Variants in FSTL5 observed in about 807,000 individuals in gnomAD.
FSTL5 encodes the protein follistatin-related protein 5.
Under a neutral mutation model 89.1 loss-of-function variants are expected in FSTL5, and 62 were observed. That is an observed-to-expected ratio of 0.70 (90% CI 0.57 to 0.86). The LOEUF (loss-of-function observed/expected upper bound fraction) is 0.86. FSTL5 is among the 40% of genes least tolerant of loss of function. The pLI, the probability that FSTL5 is intolerant of heterozygous loss-of-function variation, is 0.00. For missense variants in FSTL5, 1,057 were observed against 1,001.6 expected (o/e 1.06, Z -0.75); for synonymous variants, 383 against 346.2 (o/e 1.11, Z -1.18).
At chr4:162,052,311 A>T (rs1738403455) in intron 2 of FSTL5, among the ~76,000 whole-genome samples, 1 of 151,692 alleles carries the variant, frequency 6.6e-6, no homozygotes, top group South Asian at 2.1e-4. Context: ...AACAAAAAAA[A>T]AGCCTTAAGT....
intron 9 of FSTL5, among the ~76,000 whole-genome samples, chr4:161,539,740 C>CA (rs1313899677): frequency 2.0e-5 from 3 of 151,866 alleles, no homozygotes; most frequent in Non-Finnish European, 2.9e-5. Context: ...AAAACAAAAA[C>CA]AAAAAAACCC....
chr4:161,582,672 T>C (rs1245164414), intron 8 of FSTL5, among the ~76,000 whole-genome samples: 2 of 150,942 alleles, frequency 1.3e-5, no homozygotes, highest in Non-Finnish European at 2.9e-5. Context: ...CATTATTCTA[T>C]TTTTTGTTTG....
intron 6 of FSTL5, among the ~76,000 whole-genome samples, chr4:161,756,345 G>A (rs1333786872): frequency 6.6e-6 from 1 of 151,906 alleles, no homozygotes; most frequent in East Asian, 1.9e-4. Flanking sequence ...TAGACCCTTT[G>A]TATTATACAT....
chr4:161,406,620 GTC>G (rs1188384230), intron 15 of FSTL5, among the ~76,000 whole-genome samples: 1 of 152,078 alleles, frequency 6.6e-6, no homozygotes. Context: ...GAGTATTGAA[GTC>G]TCTATTCCTG....
chr4:161,997,628 G>A (rs553549550), intron 3 of FSTL5, among the ~76,000 whole-genome samples: 19 of 124,516 alleles, frequency 1.5e-4, no homozygotes, highest in East Asian at 7.0e-4. Flanking sequence ...TTTTTGAGAC[G>A]GAGTCTTGCT....
At chr4:161,931,445 T>C (rs1215285409) in intron 3 of FSTL5, among the ~76,000 whole-genome samples, 1 of 151,772 alleles carries the variant, frequency 6.6e-6, no homozygotes, top group Non-Finnish European at 1.5e-5. Flanking sequence ...GGAAAGGAGT[T>C]AAGAGTGATT....
At chr4:161,390,108 A>T (rs1730771933) in intron 15 of FSTL5, among the ~76,000 whole-genome samples, 1 of 152,156 alleles carries the variant, frequency 6.6e-6, no homozygotes, top group Admixed American at 6.6e-5. Flanking sequence ...TGTTAAAAAT[A>T]AAGACAGTCT....
intron 2 of FSTL5, among the ~76,000 whole-genome samples, chr4:162,099,931 G>A (rs1433302829): frequency 6.6e-6 from 1 of 152,164 alleles, no homozygotes; most frequent in Non-Finnish European, 1.5e-5. Context: ...TGCTGGTGAG[G>A]ATAGTGGAGC....
intron 3 of FSTL5, among the ~76,000 whole-genome samples, chr4:162,011,762 G>T (rs1736775644): frequency 1.3e-5 from 2 of 152,122 alleles, no homozygotes; most frequent in South Asian, 4.1e-4. Flanking sequence ...CTCCCAAAGT[G>T]CTGGGATTAC....
intron 4 of FSTL5, among the ~76,000 whole-genome samples, chr4:161,777,864 CAG>C (rs796643905): frequency 6.6e-6 from 1 of 151,670 alleles, no homozygotes; most frequent in Non-Finnish European, 1.5e-5. Flanking sequence ...AAGGCTGAGG[CAG>C]GGGAATCACC....
At chr4:161,428,400 C>T (rs892292992) in intron 15 of FSTL5, among the ~76,000 whole-genome samples, 4 of 152,176 alleles carry the variant, frequency 2.6e-5, no homozygotes, top group Middle Eastern at 3.2e-3. Context: ...CGACCTAGGG[C>T]GTGGTTGCAC....
At chr4:162,066,207 T>C (rs1012799641) in intron 2 of FSTL5, among the ~76,000 whole-genome samples, 14 of 152,058 alleles carry the variant, frequency 9.2e-5, no homozygotes, top group Non-Finnish European at 2.1e-4. Flanking sequence ...TTTTGTATGC[T>C]TGTTTGTCAT....
intron 4 of FSTL5, among the ~76,000 whole-genome samples, chr4:161,918,816 G>A (rs182920341): frequency 4.0e-5 from 6 of 151,724 alleles, no homozygotes; most frequent in African/African-American, 1.5e-4. Flanking sequence ...GCTAATTTTT[G>A]TATTTTTGTA....
intron 12 of FSTL5, among the ~76,000 whole-genome samples, chr4:161,483,586 G>A (rs1251297653): frequency 6.6e-6 from 1 of 152,028 alleles, no homozygotes; most frequent in Non-Finnish European, 1.5e-5. Context: ...CAGTCATCCT[G>A]GATTTTCTTT....
chr4:161,768,995 A>T (rs114147769), intron 5 of FSTL5, among the ~76,000 whole-genome samples: 3,303 of 151,984 alleles, frequency 0.022, 62 homozygotes, highest in East Asian at 0.043. Context: ...AAAATCAGAG[A>T]TGAAAAACTA....
chr4:161,862,981 A>G (rs1579150910), intron 4 of FSTL5, among the ~76,000 whole-genome samples: 1 of 152,332 alleles, frequency 6.6e-6, no homozygotes, highest in East Asian at 1.9e-4. Context: ...TGATTTGATC[A>G]AATTGGCTAC....
At chr4:161,631,732 T>G (rs954799499) in intron 7 of FSTL5, among the ~76,000 whole-genome samples, 9 of 152,180 alleles carry the variant, frequency 5.9e-5, no homozygotes, top group Admixed American at 4.6e-4. Context: ...GAACCTCTTC[T>G]GACACACAAA....
At chr4:162,082,811 T>A (rs1730153648) in intron 2 of FSTL5, among the ~76,000 whole-genome samples, 1 of 136,882 alleles carries the variant, frequency 7.3e-6, no homozygotes, top group Admixed American at 7.2e-5. Flanking sequence ...ATAAAACTTT[T>A]TCTTTTCTCT....
intron 4 of FSTL5, among the ~76,000 whole-genome samples, chr4:161,877,714 T>C (rs1379316928): frequency 2.0e-5 from 3 of 151,890 alleles, no homozygotes; most frequent in Non-Finnish European, 4.4e-5. Context: ...TAGTCCCAGC[T>C]ACTCGGGAGG....
Sources: gnomAD v4.1 joint callset for allele counts (sites outside exome capture counted in the v4.1 genomes callset) on GRCh38, gnomAD v4.1.1 for gene constraint, MANE v1.5 for transcripts, NCBI Gene and HGNC (gene_info 2026-07-23, HGNC 2026-07-21) for gene names.